Variants in RAB3C observed in about 807,000 individuals in gnomAD.
The protein encoded by RAB3C is ras-related protein Rab-3C.
In RAB3C, 17 loss-of-function variants were observed where a neutral mutation model predicts 26.4. The ratio of observed to expected loss-of-function variants is 0.64; its 90% CI spans 0.44 to 0.97. The LOEUF is 0.97. Ranked by LOEUF, RAB3C falls within the 50% of genes least tolerant of loss-of-function variation. The pLI is 0.00. For missense variants in RAB3C, 242 were observed against 281.9 expected, an observed-to-expected ratio of 0.86 and a Z score of 1.01; for synonymous variants, 91 against 95.9, an observed-to-expected ratio of 0.95 and a Z score of 0.30.
chr5:58,763,891 G>C (rs1741844954), intron 3 of RAB3C, among the ~76,000 whole-genome samples: 1 of 152,200 alleles, frequency 6.6e-6, no homozygotes, highest in Non-Finnish European at 1.5e-5. Flanking sequence ...CCTTGCAGGA[G>C]AGGGTGATAT....
At chr5:58,640,320 A>G (rs16888343) in intron 2 of RAB3C, among the ~76,000 whole-genome samples, 2 of 152,156 alleles carry the variant, frequency 1.3e-5, no homozygotes, top group African/African-American at 4.8e-5. Flanking sequence ...AATGTCAGGA[A>G]TGTACATCAG....
intron 1 of RAB3C, among the ~76,000 whole-genome samples, chr5:58,594,867 T>TTTA (rs1746214400): frequency 6.6e-6 from 1 of 150,930 alleles, no homozygotes; most frequent in African/African-American, 2.4e-5. Flanking sequence ...TTTTTTTTTT[T>TTTA]ACCCCAGTGG....
chr5:58,648,931 G>T (rs1003638637), intron 2 of RAB3C, among the ~76,000 whole-genome samples: 1 of 152,222 alleles, frequency 6.6e-6, no homozygotes, highest in East Asian at 1.9e-4. Context: ...TCATCCTGTA[G>T]CTTCAAGATT....
At chr5:58,709,877 C>T (rs372886996) in intron 2 of RAB3C, among the ~76,000 whole-genome samples, 20 of 152,282 alleles carry the variant, frequency 1.3e-4, no homozygotes, top group African/African-American at 4.1e-4. Flanking sequence ...GGGTTTCTCT[C>T]TAATTAGCTG....
chr5:58,798,879 A>G lies in RAB3C; in HGVS notation c.372-26159A>G, dbSNP rs138793019. Among the ~76,000 whole-genome samples, 31 of 152,312 alleles carry G rather than the reference A, an allele frequency of 2.0e-4. No homozygotes were observed. The East Asian group carries it at 4.1e-3, about 20-fold the overall frequency. The stretch of plus-strand genomic sequence containing the variant: ...AACAGACAAATTCAGATTTGGGGAC[A>G]TTCTACAACTTGCCACAACTAGCTT... On this transcript the variant is annotated intron_variant, in intron 3 of 4. Coordinates refer to ENST00000282878, the MANE Select transcript of RAB3C (RefSeq NM_138453.4).
At chr5:58,799,651 C>T (rs993878895) in intron 3 of RAB3C, among the ~76,000 whole-genome samples, 1 of 152,088 alleles carries the variant, frequency 6.6e-6, no homozygotes, top group Non-Finnish European at 1.5e-5. Flanking sequence ...CCCTCCACAC[C>T]CCCACACTCT....
At chr5:58,842,531 A>G (rs561590563) in intron 4 of RAB3C, among the ~76,000 whole-genome samples, 1 of 152,304 alleles carries the variant, frequency 6.6e-6, no homozygotes, top group African/African-American at 2.4e-5. Context: ...AAATCTTGGT[A>G]CTATGCCCTA....
At chr5:58,764,983 C>A (rs1454236869) in intron 3 of RAB3C, among the ~76,000 whole-genome samples, 1 of 152,044 alleles carries the variant, frequency 6.6e-6, no homozygotes, top group Non-Finnish European at 1.5e-5. Context: ...TATTTTCAGG[C>A]ACTTGCTTTT....
At chr5:58,712,613 C>T (rs1045879728) in intron 2 of RAB3C, among the ~76,000 whole-genome samples, 3 of 152,162 alleles carry the variant, frequency 2.0e-5, no homozygotes, top group African/African-American at 7.2e-5. Flanking sequence ...CAACCTCTGC[C>T]TCCCGGGTTC....
intron 3 of RAB3C, among the ~76,000 whole-genome samples, chr5:58,801,093 TGTG>T (rs1469077242): frequency 1.3e-5 from 2 of 152,146 alleles, no homozygotes; most frequent in Non-Finnish European, 2.9e-5. Flanking sequence ...TCATGAGGAA[TGTG>T]GCTGTGCCTC....
chr5:58,618,700 T>C (rs1475022839), intron 2 of RAB3C, among the ~76,000 whole-genome samples: 14 of 152,274 alleles, frequency 9.2e-5, no homozygotes, highest in African/African-American at 2.6e-4. Flanking sequence ...AAAAGACTGA[T>C]GTAGTAAATA....
At chr5:58,741,634 A>G (rs745776452) in intron 3 of RAB3C, 5 of 152,166 alleles carry the variant, frequency 3.3e-5, no homozygotes, top group African/African-American at 4.8e-5. Flanking sequence ...TTATTTATCT[A>G]TGAATAGTAA....
In RAB3C at chr5:58,845,303, A is replaced by C. The variant is rs1743963947; in HGVS notation, c.497-5861A>C. Among the ~76,000 whole-genome samples, 2 of 152,096 alleles carry C rather than the reference A, an allele frequency of 1.3e-5. 1 individual carries two copies. The highest frequency in any genetic ancestry group is 4.1e-4 in the South Asian group (2 of 4,820). On this transcript the variant is annotated intron_variant, in intron 4 of 4. Coordinates refer to ENST00000282878, the MANE Select transcript of RAB3C (RefSeq NM_138453.4). Reference sequence around the variant, plus strand: ...CAAAGTGGACAGAAGAGTGTCGGCAAATCAGGCCTGCGCCACAGCCAGGAA... The same window carrying C: ...CAAAGTGGACAGAAGAGTGTCGGCACATCAGGCCTGCGCCACAGCCAGGAA...
chr5:58,737,394 AATATAT>A (rs55691242), intron 3 of RAB3C, among the ~76,000 whole-genome samples: 333 of 37,956 alleles, frequency 8.8e-3, no homozygotes, highest in Non-Finnish European at 0.013. Flanking sequence ...CACCCTATGA[AATATAT>A]ATATATATAT....
chr5:58,845,612 A>ATATATATATATATGTGTGTGTGTGTGTG, intron 4 of RAB3C, among the ~76,000 whole-genome samples: 102 of 81,606 alleles, frequency 1.2e-3, no homozygotes, highest in Middle Eastern at 0.01. Flanking sequence ...ATATATATAT[A>ATATATATATATATGTGTGTGTGTGTGTG]TGTGTGTGTG....
Position 58,852,611 on chromosome 5 carries a change from AAG to A in RAB3C, c.*1263_*1264del, listed in dbSNP as rs1265287125. The A allele has an allele frequency of 6.6e-6, 1 of 152,170 alleles. No individual in the cohort carries two copies. The highest frequency in any genetic ancestry group is 2.4e-5 in the African/African-American group (1 of 41,446). The allele number at this position is 152,170 out of a possible 1,614,324, so 9.4% of individuals were successfully genotyped here. On this transcript the variant is annotated 3_prime_UTR_variant, in exon 5 of 5. Coordinates refer to ENST00000282878, the MANE Select transcript of RAB3C (RefSeq NM_138453.4). ...ATATTTAGGATCCATAGCAATTTAA[AAG>A]AGGGAGGAAACCACTGGAGCATTCT...
At chr5:58,717,874 T>C (rs1490076595) in intron 2 of RAB3C, among the ~76,000 whole-genome samples, 1 of 152,118 alleles carries the variant, frequency 6.6e-6, no homozygotes, top group Non-Finnish European at 1.5e-5. Context: ...AAGCAGATAC[T>C]ATTCAATGAG....
chr5:58,634,098 G>A (rs911984374), intron 2 of RAB3C, among the ~76,000 whole-genome samples: 8 of 150,592 alleles, frequency 5.3e-5, no homozygotes, highest in African/African-American at 1.5e-4. Flanking sequence ...CTGAGATTGC[G>A]CCACTGCACT....
chr5:58,678,491 T>C (rs1481744682), intron 2 of RAB3C, among the ~76,000 whole-genome samples: 1 of 152,116 alleles, frequency 6.6e-6, no homozygotes, highest in Non-Finnish European at 1.5e-5. Flanking sequence ...GTCACTGACA[T>C]CAGGAAAGTC....
Sources: allele counts gnomAD v4.1 joint callset (sites outside exome capture counted in the v4.1 genomes callset), GRCh38; gene constraint gnomAD v4.1.1; transcripts MANE v1.5; gene names NCBI Gene and HGNC (gene_info 2026-07-23, HGNC 2026-07-21).